The following NTN4 variants were observed in gnomAD, a reference collection of about 807,000 sequenced individuals.
The protein encoded by NTN4 is netrin-4.
Under a neutral mutation model 73.6 loss-of-function variants are expected in NTN4, and 32 were observed. The ratio of observed to expected loss-of-function variants is 0.44; its 90% confidence interval spans 0.33 to 0.58. The LOEUF (loss-of-function observed/expected upper bound fraction) is 0.58. Among genes scored for constraint, NTN4 ranks in the 20% least tolerant of loss-of-function variants. The pLI is 0.04. For missense variants in NTN4, 654 were observed against 798.3 expected, an observed-to-expected ratio of 0.82 and a Z score of 2.18; for synonymous variants, 258 against 287.5, an observed-to-expected ratio of 0.90 and a Z score of 1.04.
rs11308260 is a variant in NTN4 at position 95,760,680 on chromosome 12, C to CTTT, written c.586-22539_586-22537dup. Among the ~76,000 whole-genome samples the CTTT allele has an allele frequency of 2.5e-3, 326 of 130,738 alleles. 9 individuals carry two copies. In the East Asian group the frequency reaches 0.027, roughly 11 times the overall value. The allele number at this position is 130,738 out of a possible 152,430, so 85.8% of individuals were successfully genotyped here. On this transcript the variant is annotated intron_variant, in intron 2 of 9. Coordinates refer to ENST00000343702, the MANE Select transcript of NTN4 (RefSeq NM_021229.4). Reference sequence around the variant, plus strand: ...CAATGTCTGAAAACAATTGTATCATCTTTTTTTTTTTTTTTTTTCTCGCTT... The same window carrying CTTT: ...CAATGTCTGAAAACAATTGTATCATCTTTTTTTTTTTTTTTTTTTTTCTCGCTT...
At chr12:95,686,867 A>C (rs2078365070) in intron 5 of NTN4, among the ~76,000 whole-genome samples, 1 of 152,214 alleles carries the variant, frequency 6.6e-6, no homozygotes, top group South Asian at 2.1e-4. Flanking sequence ...TAAATTTTTC[A>C]TAAATAAATT....
At chr12:95,731,562 A>G (rs1431589698) in intron 3 of NTN4, among the ~76,000 whole-genome samples, 1 of 152,168 alleles carries the variant, frequency 6.6e-6, no homozygotes, top group Admixed American at 6.5e-5. Context: ...TCAAAAAATA[A>G]TAATAAATAA....
In NTN4 at chr12:95,790,383, AGC is replaced by A. The variant is rs2079199995; in HGVS notation, c.-76_-75del. 5 of 1,288,590 alleles carry A rather than the reference AGC, an allele frequency of 3.9e-6. No homozygotes were observed. In the Admixed American group the frequency reaches 1.3e-4, roughly 34 times the overall value. 79.8% of individuals were successfully genotyped at this position (1,288,590 alleles called of 1,614,324 possible). A position where few individuals can be genotyped will look rare whatever the true frequency, so the allele number is the denominator to read the frequency against. The stretch of plus-strand genomic sequence containing the variant: ...CCGAGACCTCTGGGCTGCGGGATGA[AGC>A]GCCGCCGTCCTCGGGAGGGAACGGG... On this transcript the variant is annotated 5_prime_UTR_variant, in exon 1 of 10. Transcript: ENST00000343702. This position sits in a 1 kb window ranked among gnomAD's most constrained non-coding sequence, Gnocchi z 6.5.
At chr12:95,666,256 T>C (rs1375214742) in intron 8 of NTN4, among the ~76,000 whole-genome samples, 3 of 152,096 alleles carry the variant, frequency 2.0e-5, no homozygotes, top group African/African-American at 7.2e-5. Context: ...TGATATAATA[T>C]ACTTTGGGGA....
chr12:95,711,559 T>C (rs186706020), intron 4 of NTN4, among the ~76,000 whole-genome samples: 2 of 152,354 alleles, frequency 1.3e-5, no homozygotes, highest in East Asian at 3.9e-4. Flanking sequence ...GCTTAGTAAG[T>C]TGGCAAGTAG....
At chr12:95,733,709 G>A (rs1246273878) in intron 3 of NTN4, among the ~76,000 whole-genome samples, 8 of 152,204 alleles carry the variant, frequency 5.3e-5, no homozygotes, top group East Asian at 1.9e-4. Flanking sequence ...AACTGAACTG[G>A]TGAGACTAAG....
Position 95,789,597 on chromosome 12 carries a change from G to C in NTN4, c.55+658C>G, listed in dbSNP as rs762046337. Reference sequence around the variant, plus strand: ...CGCCGACGCCGGTTGTCCAGTTACCGAGCCAGGGAGCAGACCCGCCTCCGA... The same window carrying C: ...CGCCGACGCCGGTTGTCCAGTTACCCAGCCAGGGAGCAGACCCGCCTCCGA... On this transcript the variant is annotated intron_variant, in intron 1 of 9. Coordinates refer to ENST00000343702, the MANE Select transcript of NTN4 (RefSeq NM_021229.4). The surrounding 1 kb of genome is among the most constrained non-coding windows in gnomAD (Gnocchi z 4.0). Among the ~76,000 whole-genome samples the C allele has an allele frequency of 6.6e-6, 1 of 152,184 alleles. No homozygotes were observed. The highest frequency in any genetic ancestry group is 1.5e-5 in the Non-Finnish European group (1 of 68,028).
At chr12:95,698,872 T>G (rs1417373279) in intron 5 of NTN4, among the ~76,000 whole-genome samples, 1 of 151,566 alleles carries the variant, frequency 6.6e-6, no homozygotes, top group Non-Finnish European at 1.5e-5. Flanking sequence ...AAAAATAAAA[T>G]AAAAAATAAT....
At chr12:95,672,524 T>A (rs1382640064) in intron 7 of NTN4, 3 of 1,529,124 alleles carry the variant, frequency 2.0e-6, no homozygotes. Context: ...CTAGATGCCA[T>A]TGATCAGATG....
chr12:95,774,684 C>T (rs996040981), intron 2 of NTN4, among the ~76,000 whole-genome samples: 1 of 152,320 alleles, frequency 6.6e-6, no homozygotes, highest in Admixed American at 6.5e-5. Context: ...GCCATACTGA[C>T]TTTATCACAA....
chr12:95,787,198 G>A lies in NTN4; in HGVS notation c.326C>T (p.Ala109Val), dbSNP rs778122235. The A allele has an allele frequency of 1.9e-5, 31 of 1,614,062 alleles. No individual in the cohort carries two copies. The highest frequency in any genetic ancestry group is 8.0e-5 in the African/African-American group (6 of 74,922). Reference sequence around the variant, plus strand: ...GATCTTTTCTCTGTGCACATCCTCCGCAGACTGCCACCATGTGCGAGGAAA... The same window carrying A: ...GATCTTTTCTCTGTGCACATCCTCCACAGACTGCCACCATGTGCGAGGAAA... The part of the protein sequence containing the change: ...FRFPRTWWQS[A>V]EDVHREKIQL... Residue 109 changes from alanine to valine, a missense_variant, in exon 2 of 10, where the codon GCG (alanine) becomes GTG (valine). Ala to Val is a moderately conservative substitution (Grantham distance 64). Transcript: ENST00000343702.
chr12:95,731,668 GA>G (rs1488316703), intron 3 of NTN4, among the ~76,000 whole-genome samples: 1 of 152,058 alleles, frequency 6.6e-6, no homozygotes, highest in African/African-American at 2.4e-5. Flanking sequence ...TCAGTCCCTT[GA>G]ACCCAGCCTC....
rs2121116723 is a variant in NTN4, at chr12:95,721,188, T to C, written c.865-7850A>G. On this transcript the variant is annotated intron_variant, in intron 3 of 9. Coordinates refer to ENST00000343702, the MANE Select transcript of NTN4 (RefSeq NM_021229.4). ...ATGACACTTTTATAAATAAAATTGG[T>C]GTGTCCTCCCAAAACTTGTCCTTTA... Among the ~76,000 whole-genome samples the C allele has an allele frequency of 2.0e-5, 3 of 152,326 alleles. No homozygotes were observed. In the South Asian group the frequency reaches 6.2e-4, roughly 32 times the overall value.
In NTN4 at chr12:95,683,553, G is replaced by A. The variant is rs1243542313; in HGVS notation, c.1339C>T (p.Arg447Ter). 47 of 1,614,020 alleles carry A rather than the reference G, an allele frequency of 2.9e-5. No individual in the cohort carries two copies. The highest frequency in any genetic ancestry group is 3.7e-5 in the Non-Finnish European group (44 of 1,180,042). Residue 447 changes from arginine to a stop codon, truncating the protein, a stop_gained, in exon 6 of 10, where the codon CGA becomes TGA. Coordinates refer to ENST00000343702, the MANE Select transcript of NTN4 (RefSeq NM_021229.4). LOFTEE classifies it high-confidence loss of function. ...CAGCTCCCCGCACAGTCACATGGTCGACAGCCATAGTCTCCGAAGCCCCAG... is the reference window on the plus strand; with the variant it reads ...CAGCTCCCCGCACAGTCACATGGTCAACAGCCATAGTCTCCGAAGCCCCAG... ...GYWGFGDYGCRPCDCAGSCDP... is the reference protein window; with the variant it reads ...GYWGFGDYGC
chr12:95,787,497 A>G (rs2079178345), intron 1 of NTN4, 29 bp from the exon 2 acceptor site: 1 of 1,600,476 alleles, frequency 6.2e-7, no homozygotes, highest in African/African-American at 1.3e-5. Flanking sequence ...GCATGATGCA[A>G]GACAAACCCA....
chr12:95,732,953 A>G (rs759215348), intron 3 of NTN4, among the ~76,000 whole-genome samples: 1 of 152,208 alleles, frequency 6.6e-6, no homozygotes, highest in Non-Finnish European at 1.5e-5. Context: ...ATTTTCCTCA[A>G]ACCCCATTAT....
intron 2 of NTN4, among the ~76,000 whole-genome samples, chr12:95,748,565 G>C (rs145665968): frequency 2.0e-5 from 3 of 147,136 alleles, no homozygotes; most frequent in Non-Finnish European, 4.4e-5. Context: ...GCAACCTCCC[G>C]GTTCAAGTGA....
intron 3 of NTN4, among the ~76,000 whole-genome samples, chr12:95,719,616 T>C (rs1332427502): frequency 6.6e-6 from 1 of 152,224 alleles, no homozygotes; most frequent in Non-Finnish European, 1.5e-5. Context: ...GCTGCTCTTA[T>C]TCAGGACAAA....
chr12:95,783,766 C>T (rs1475188717), intron 2 of NTN4, among the ~76,000 whole-genome samples: 1 of 152,190 alleles, frequency 6.6e-6, no homozygotes, highest in African/African-American at 2.4e-5. Flanking sequence ...TAGCCATACC[C>T]CATTCTTTGA....
Sources: allele counts gnomAD v4.1 joint callset (sites outside exome capture counted in the v4.1 genomes callset), GRCh38; gene constraint gnomAD v4.1.1; non-coding constraint Gnocchi (gnomAD v3.1); transcripts MANE v1.5; gene names NCBI Gene and HGNC (gene_info 2026-07-23, HGNC 2026-07-21).